Variants in CDK19 observed in about 807,000 individuals in gnomAD.
The protein encoded by CDK19 is cyclin-dependent kinase 19.
Under a neutral mutation model 68.3 loss-of-function variants are expected in CDK19, and 20 were observed. The ratio of observed to expected loss-of-function variants is 0.29; its 90% CI spans 0.21 to 0.43. The LOEUF is 0.43. Among genes scored for constraint, CDK19 ranks in the 20% least tolerant of loss-of-function variants. CDK19 has a pLI of 1.00. For synonymous variants in CDK19, 221 were observed against 222.8 expected (o/e 0.99, Z 0.07); for missense variants, 339 against 623.5 (o/e 0.54, Z 4.86).
Position 110,623,375 on chromosome 6 carries a change from G to C in CDK19, c.861-13C>G, listed in dbSNP as rs200240945. On this transcript the variant is annotated splice_polypyrimidine_tract_variant and intron_variant, in intron 8 of 12. Coordinates refer to ENST00000368911, the MANE Select transcript of CDK19 (RefSeq NM_015076.5). Reference sequence around the variant, plus strand: ...ACTGTTGGCATACCTGCAAGGACACGCACAGTCACACATCACTGGGAACAC... The same window carrying C: ...ACTGTTGGCATACCTGCAAGGACACCCACAGTCACACATCACTGGGAACAC... The C allele has an allele frequency of 1.1e-5, 17 of 1,611,608 alleles. No homozygotes were observed. Among genetic ancestry groups the C allele is most frequent in the Admixed American group, 1.7e-5 (1 of 59,758 alleles).
intron 1 of CDK19, among the ~76,000 whole-genome samples, chr6:110,787,553 T>A (rs2115056606): frequency 6.6e-6 from 1 of 151,946 alleles, no homozygotes; most frequent in Non-Finnish European, 1.5e-5. Context: ...CTTAAGGGAT[T>A]CTCCAACGTC....
At chr6:110,636,426 A>G (rs1779780535) in intron 5 of CDK19, among the ~76,000 whole-genome samples, 1 of 152,240 alleles carries the variant, frequency 6.6e-6, no homozygotes, top group African/African-American at 2.4e-5. Flanking sequence ...GTAAGAGGCA[A>G]GAATGAACAG....
intron 5 of CDK19, among the ~76,000 whole-genome samples, chr6:110,632,712 C>T (rs1376821522): frequency 6.6e-6 from 1 of 152,004 alleles, no homozygotes; most frequent in Non-Finnish European, 1.5e-5. Flanking sequence ...GCCTGGGCAA[C>T]AGAGTGAGAC....
In CDK19 at chr6:110,621,488, C is replaced by T; in HGVS notation, c.1111-118G>A. 1 of 975,754 alleles carries T rather than the reference C, an allele frequency of 1.0e-6. No homozygotes were observed. The allele number at this position is 975,754 out of a possible 1,614,324, so 60.4% of individuals were successfully genotyped here. On this transcript the variant is annotated intron_variant, in intron 11 of 12. Coordinates refer to ENST00000368911, the MANE Select transcript of CDK19 (RefSeq NM_015076.5). The surrounding 1 kb of genome is among the most constrained non-coding windows in gnomAD (Gnocchi z 5.4). ...CTGGGGGAGCAATCTATGTGGGACA[C>T]TAGAGTGATGGGGAGGACTGGAGAA...
intron 1 of CDK19, among the ~76,000 whole-genome samples, chr6:110,759,420 A>ATATATAT (rs1426687992): frequency 5.2e-5 from 6 of 116,108 alleles, no homozygotes; most frequent in African/African-American, 2.3e-4. Flanking sequence ...AAAAAAAAAA[A>ATATATAT]AAAAAAAAAT....
chr6:110,683,897 A>C (rs1160304636), intron 2 of CDK19, among the ~76,000 whole-genome samples: 1 of 149,534 alleles, frequency 6.7e-6, no homozygotes, highest in African/African-American at 2.5e-5. Context: ...TTTTTAGTGG[A>C]GATGGGGTTT....
chr6:110,669,884 AT>A (rs1476913161), intron 3 of CDK19, among the ~76,000 whole-genome samples: 1 of 152,142 alleles, frequency 6.6e-6, no homozygotes, highest in Non-Finnish European at 1.5e-5. Context: ...CCCGCCAGGC[AT>A]GGTGGCTCAC....
rs558497932 is a variant in CDK19, at chr6:110,797,096, C to T, written c.128+17913G>A. Among the ~76,000 whole-genome samples, 4 of 151,616 alleles carry T rather than the reference C, an allele frequency of 2.6e-5. No homozygotes were observed. The East Asian group carries it at 5.8e-4, about 22-fold the overall frequency. On this transcript the variant is annotated intron_variant, in intron 1 of 12. Transcript: ENST00000368911. ...GTGGCTCACACCTGTAATCTCACCA[C>T]TTTGGGAGGCCAAGGTGGGTGGATC...
chr6:110,805,465 T>C (rs1014776716), intron 1 of CDK19, among the ~76,000 whole-genome samples: 1 of 151,744 alleles, frequency 6.6e-6, no homozygotes, highest in South Asian at 2.1e-4. Flanking sequence ...CCCTGCACTA[T>C]AGAATAATTT....
chr6:110,783,695 C>T (rs1476536507), intron 1 of CDK19, among the ~76,000 whole-genome samples: 1 of 148,446 alleles, frequency 6.7e-6, no homozygotes, highest in African/African-American at 2.5e-5. Context: ...GCTTAAACCA[C>T]AAAACTCTAA....
intron 1 of CDK19, among the ~76,000 whole-genome samples, chr6:110,749,225 T>C (rs1330989513): frequency 6.6e-6 from 1 of 152,230 alleles, no homozygotes; most frequent in Non-Finnish European, 1.5e-5. Context: ...ATGTTTCTTC[T>C]ATATGTCTAT....
chr6:110,625,707 T>C (rs551411796), intron 8 of CDK19, among the ~76,000 whole-genome samples: 14 of 152,046 alleles, frequency 9.2e-5, no homozygotes, highest in Admixed American at 2.0e-4. Flanking sequence ...AATGGGAAAA[T>C]ACCTAGAGTG....
intron 8 of CDK19, among the ~76,000 whole-genome samples, chr6:110,624,608 A>T (rs1443144509): frequency 6.6e-6 from 1 of 152,178 alleles, no homozygotes; most frequent in Admixed American, 6.5e-5. Context: ...CTTTGTTTTT[A>T]TAAAATTGGA....
At chr6:110,777,288 A>G (rs1485945625) in intron 1 of CDK19, among the ~76,000 whole-genome samples, 1 of 152,192 alleles carries the variant, frequency 6.6e-6, no homozygotes, top group Admixed American at 6.5e-5. Context: ...TAAAATCAAT[A>G]TATCCGAATA....
chr6:110,696,255 C>T (rs1259479174), intron 2 of CDK19, among the ~76,000 whole-genome samples: 4 of 152,122 alleles, frequency 2.6e-5, no homozygotes, highest in Non-Finnish European at 4.4e-5. Context: ...ATGATATGAT[C>T]ATGTCAATAG....
chr6:110,725,991 A>G (rs1776287235), intron 2 of CDK19, among the ~76,000 whole-genome samples: 2 of 152,130 alleles, frequency 1.3e-5, no homozygotes, highest in South Asian at 4.2e-4. Flanking sequence ...TTTTCAATCC[A>G]ACTTGTAAAA....
chr6:110,814,209 A>C (rs1783370143), intron 1 of CDK19: 1 of 245,956 alleles, frequency 4.1e-6, no homozygotes, highest in Admixed American at 5.4e-5. Context: ...CCCAGCCCAC[A>C]GTCATCTGGC....
chr6:110,635,929 C>T (rs915591771), intron 5 of CDK19, among the ~76,000 whole-genome samples: 1 of 152,178 alleles, frequency 6.6e-6, no homozygotes, highest in South Asian at 2.1e-4. Context: ...ACAATAGTGG[C>T]TACTAAAACA....
chr6:110,617,850 C>CT (rs1463542223), intron 12 of CDK19, among the ~76,000 whole-genome samples: 3 of 88,020 alleles, frequency 3.4e-5, no homozygotes, highest in African/African-American at 1.4e-4. Flanking sequence ...CAGTGAGACT[C>CT]TGTCTCAAAA....
Sources: gnomAD v4.1 joint callset for allele counts (sites outside exome capture counted in the v4.1 genomes callset) on GRCh38, gnomAD v4.1.1 for gene constraint, Gnocchi (gnomAD v3.1) non-coding constraint, MANE v1.5 for transcripts, NCBI Gene and HGNC (gene_info 2026-07-23, HGNC 2026-07-21) for gene names.